KIZ: variants seen among roughly 807,000 people sequenced by gnomAD.
The protein encoded by KIZ is centrosomal protein kizuna.
KIZ carries 68 observed loss-of-function variants against 79.6 expected under a neutral mutation model. The observed-to-expected ratio is 0.85, with a 90% CI of 0.70 to 1.05. The LOEUF is 1.05. Among genes scored for constraint, KIZ ranks in the 50% least tolerant of loss-of-function variants. The probability of loss-of-function intolerance (pLI) is 0.00; values close to 1 mark genes in which losing one functional copy is unlikely to be tolerated. For missense variants in KIZ, 797 were observed against 800.4 expected (o/e 1.00, Z 0.05); for synonymous variants, 280 against 281.8 (o/e 0.99, Z 0.06).
At chr20:21,199,218 A>G (rs1286616485) in intron 6 of KIZ, among the ~76,000 whole-genome samples, 2 of 152,230 alleles carry the variant, frequency 1.3e-5, no homozygotes, top group Non-Finnish European at 2.9e-5. Context: ...CTCAGCATTC[A>G]TAATAGAGCA....
intron 6 of KIZ, chr20:21,197,620 T>TA (rs1358233937): frequency 1.3e-5 from 2 of 152,238 alleles, no homozygotes; most frequent in Admixed American, 1.3e-4. Flanking sequence ...GGTTAAAAGT[T>TA]ACTTCCTCTG....
Position 21,226,842 on chromosome 20 carries a change from C to T in KIZ, c.1679-2169C>T, listed in dbSNP as rs1379427931. Among the ~76,000 whole-genome samples, 5 of 152,132 alleles carry T rather than the reference C, an allele frequency of 3.3e-5. No individual in the cohort carries two copies. In the South Asian group the frequency reaches 8.3e-4, roughly 25 times the overall value. ...AAATAAAAACTGCCCAGGTGGGCCT[C>T]GGTGACTCTCCTTGGAGAAGGGCCA... On this transcript the variant is annotated intron_variant, in intron 9 of 12. Transcript: ENST00000619189.
intron 6 of KIZ, among the ~76,000 whole-genome samples, chr20:21,172,023 C>T (rs1600447908): frequency 2.0e-5 from 3 of 152,286 alleles, no homozygotes; most frequent in East Asian, 3.9e-4. Context: ...CACTAAATGC[C>T]CTCTCTTGAT....
At chr20:21,166,181 A>G in intron 6 of KIZ, 3 of 1,043,598 alleles carry the variant, frequency 2.9e-6, no homozygotes, top group South Asian at 1.5e-5. Flanking sequence ...GAGGCATTTT[A>G]TTTGTAAATA....
At chr20:21,144,718 C>T (rs1222962159) in intron 3 of KIZ, among the ~76,000 whole-genome samples, 5 of 152,096 alleles carry the variant, frequency 3.3e-5, no homozygotes, top group Non-Finnish European at 7.4e-5. Context: ...AAACAAAGCT[C>T]AGGCCTATTT....
At position 21,162,423 on chromosome 20, in the gene KIZ, G is replaced by A; in HGVS notation, c.958G>A (p.Val320Ile). Residue 320 changes from valine to isoleucine, a missense_variant, in exon 5 of 13, where the codon GTC becomes ATC. Transcript: ENST00000619189. ...EVEEKRASPP[V>I]SPIPVSEYCE... ...TGAGGAAAAAAGAGCCAGCCCGCCA[G>A]TCTCTCCGATACCAGTTTCAGAATA... 6.2e-7 allele frequency: 1 copy of A among 1,613,414 alleles called. No individual in the cohort carries two copies. The highest frequency in any genetic ancestry group is 8.5e-7 in the Non-Finnish European group (1 of 1,179,466).
At chr20:21,190,565 T>G (rs2035067064) in intron 6 of KIZ, among the ~76,000 whole-genome samples, 1 of 152,226 alleles carries the variant, frequency 6.6e-6, no homozygotes, top group Non-Finnish European at 1.5e-5. Context: ...AATATTGAAT[T>G]AGCCTCTCAG....
At chr20:21,163,973 C>G (rs1335890762) in intron 6 of KIZ, among the ~76,000 whole-genome samples, 3 of 152,048 alleles carry the variant, frequency 2.0e-5, no homozygotes, top group African/African-American at 7.3e-5. Flanking sequence ...TAGATCTCAC[C>G]TTTTACAAAT....
chr20:21,241,084 A>G (rs2037200397), intron 11 of KIZ, among the ~76,000 whole-genome samples: 1 of 152,258 alleles, frequency 6.6e-6, no homozygotes, highest in Non-Finnish European at 1.5e-5. Context: ...CTCATGGCCT[A>G]CAACCTTAAC....
At chr20:21,183,692 A>ATTTT (rs111482721) in intron 6 of KIZ, among the ~76,000 whole-genome samples, 1 of 151,796 alleles carries the variant, frequency 6.6e-6, no homozygotes, top group African/African-American at 2.4e-5. Context: ...AAATTACAGG[A>ATTTT]TTTTTTTTTG....
intron 4 of KIZ, among the ~76,000 whole-genome samples, chr20:21,158,986 T>A (rs935648895): frequency 3.5e-5 from 1 of 28,908 alleles, no homozygotes; most frequent in Admixed American, 3.7e-4. Flanking sequence ...ACACATATAT[T>A]TATTTATTTA....
At chr20:21,210,645 A>G (rs981761700) in intron 7 of KIZ, among the ~76,000 whole-genome samples, 3 of 152,190 alleles carry the variant, frequency 2.0e-5, no homozygotes, top group African/African-American at 7.2e-5. Context: ...AGGTGGGTAT[A>G]TCTTTCAGGC....
intron 10 of KIZ, among the ~76,000 whole-genome samples, chr20:21,231,590 A>G (rs1191177655): frequency 2.0e-5 from 3 of 152,130 alleles, no homozygotes; most frequent in African/African-American, 4.8e-5. Flanking sequence ...GCTCCTGCCT[A>G]TGTTTGCTGT....
At chr20:21,132,209 T>A (rs2031893993) in intron 2 of KIZ, 50 bp downstream of exon 2, 2 of 867,788 alleles carry the variant, frequency 2.3e-6, no homozygotes, top group African/African-American at 3.4e-5. Context: ...CATATATTAA[T>A]CAAAAATGTA....
At chr20:21,155,893 A>G (rs1171677037) in intron 4 of KIZ, among the ~76,000 whole-genome samples, 2 of 152,104 alleles carry the variant, frequency 1.3e-5, no homozygotes, top group Non-Finnish European at 1.5e-5. Context: ...TTTTTCTATT[A>G]GCTTTATTTC....
chr20:21,214,207 T>G (rs1458674095), intron 7 of KIZ, among the ~76,000 whole-genome samples: 5 of 152,058 alleles, frequency 3.3e-5, no homozygotes, highest in South Asian at 2.1e-4. Flanking sequence ...TTTGTATATA[T>G]CGAAGGGAGG....
intron 6 of KIZ, chr20:21,196,544 T>G (rs1415559008): frequency 2.0e-5 from 3 of 152,288 alleles, no homozygotes; most frequent in African/African-American, 7.2e-5. Flanking sequence ...GATGACAAGA[T>G]AAAGGCTTCC....
intron 11 of KIZ, among the ~76,000 whole-genome samples, chr20:21,240,204 A>C (rs1404272000): frequency 6.6e-6 from 1 of 152,104 alleles, no homozygotes; most frequent in Non-Finnish European, 1.5e-5. Flanking sequence ...AGCTCACTGT[A>C]ACCTCTGCCT....
intron 1 of KIZ, among the ~76,000 whole-genome samples, chr20:21,126,653 T>A (rs996533099): frequency 6.6e-6 from 1 of 152,098 alleles, no homozygotes; most frequent in Non-Finnish European, 1.5e-5. Context: ...GACGGTTGTG[T>A]GTGTGTGTGT....
Sources: allele counts gnomAD v4.1 joint callset (sites outside exome capture counted in the v4.1 genomes callset), GRCh38; gene constraint gnomAD v4.1.1; transcripts MANE v1.5; gene names NCBI Gene and HGNC (gene_info 2026-07-23, HGNC 2026-07-21).